BAHCC1: variants seen among roughly 807,000 people sequenced by gnomAD.
The protein encoded by BAHCC1 is BAH and coiled-coil domain-containing protein 1.
Under a neutral mutation model 88.2 loss-of-function variants are expected in BAHCC1, and 43 were observed. The observed-to-expected ratio is 0.49, with a 90% CI of 0.38 to 0.63. The LOEUF (loss-of-function observed/expected upper bound fraction) is 0.63, where lower values mean the gene tolerates loss of function less well. Among genes scored for constraint, BAHCC1 ranks in the 20% least tolerant of loss-of-function variants. The pLI is 0.00. For synonymous variants in BAHCC1, 1,510 were observed against 745.5 expected, an observed-to-expected ratio of 2.03 and a Z score of -16.71; for missense variants, 3,023 against 1,654.8, an observed-to-expected ratio of 1.83 and a Z score of -14.34.
Position 81,447,042 on chromosome 17 carries a change from C to G in BAHCC1, c.3170C>G (p.Pro1057Arg), listed in dbSNP as rs782416260. The G allele has an allele frequency of 2.6e-6, 2 of 779,208 alleles. No individual in the cohort carries two copies. Among genetic ancestry groups the G allele is most frequent in the East Asian group, 2.4e-5 (1 of 41,266 alleles). The allele number at this position is 779,208 out of a possible 1,614,324, so 48.3% of individuals were successfully genotyped here. ...ADIITSEPDL[P>R]PGYLRPMAGL... ...CCTGTCCCCTCCTTTGCAGACCTGC[C>G]TCCCGGATACCTGCGCCCCATGGCT... is the stretch of plus-strand genomic sequence containing the variant. The change falls in exon 11 of 28, where the codon CCT (proline) becomes CGT (arginine). Residue 1057 changes from proline (P) to arginine (R), a missense_variant. Transcript: ENST00000675386.
rs1555657912 is a variant in BAHCC1, at chr17:81,458,242, C to T, written c.5119C>T (p.Leu1707=). ...RSVKAKVGTT[L]ERAPGQRPPG... is the part of the protein sequence containing the mutation. Reference sequence around the variant, plus strand: ...GGTGAAGGCCAAGGTGGGCACCACCCTGGAGCGGGCCCCAGGGCAGAGGCC... The same window carrying T: ...GGTGAAGGCCAAGGTGGGCACCACCTTGGAGCGGGCCCCAGGGCAGAGGCC... The change falls in exon 18 of 28, where the codon CTG becomes TTG. Residue 1707 remains leucine, a synonymous_variant. Coordinates refer to ENST00000675386, the MANE Select transcript of BAHCC1 (RefSeq NM_001377448.1). The T allele has an allele frequency of 1.4e-6, 1 of 739,252 alleles. No homozygotes were observed. Among genetic ancestry groups the T allele is most frequent in the Non-Finnish European group, 2.5e-6 (1 of 398,110 alleles). 45.8% of individuals were successfully genotyped at this position (739,252 alleles called of 1,614,324 possible). A position where few individuals can be genotyped will look rare whatever the true frequency, so the allele number is the denominator to read the frequency against.
intron 11 of BAHCC1, among the ~76,000 whole-genome samples, chr17:81,450,397 T>G (rs2064611202): frequency 6.6e-6 from 1 of 152,162 alleles, no homozygotes; most frequent in African/African-American, 2.4e-5. Context: ...CGCCAGCCTC[T>G]GCTGGCCCAT....
In BAHCC1 at chr17:81,445,525, G is replaced by A. The variant is rs376167216; in HGVS notation, c.3007G>A (p.Ala1003Thr). 709 of 718,258 alleles carry A rather than the reference G, an allele frequency of 9.9e-4. No homozygotes were observed. The highest frequency in any genetic ancestry group is 1.9e-3 in the Middle Eastern group (6 of 3,220). The allele number at this position is 718,258 out of a possible 1,614,324, so 44.5% of individuals were successfully genotyped here. The change falls in exon 10 of 28, where the codon GCC becomes ACC. Residue 1003 changes from alanine (A) to threonine (T), a missense_variant. By Grantham distance (58) the Ala-to-Thr change is moderately conservative. Coordinates refer to ENST00000675386, the MANE Select transcript of BAHCC1 (RefSeq NM_001377448.1). Reference protein sequence around the residue: ...CCHPPDPKPPASSPTPPPRPS... With the variant: ...CCHPPDPKPPTSSPTPPPRPS... ...CCATCCGCCCGACCCAAAGCCCCCC[G>A]CCAGCTCCCCCACCCCACCACCTCG...
In BAHCC1 at chr17:81,442,769, G is replaced by T. The variant is rs782284946; in HGVS notation, c.1420G>T (p.Ala474Ser). The T allele has an allele frequency of 5.1e-6, 4 of 779,384 alleles. No homozygotes were observed. The highest frequency in any genetic ancestry group is 7.2e-6 in the Non-Finnish European group (3 of 417,850). The allele number at this position is 779,384 out of a possible 1,614,324, so 48.3% of individuals were successfully genotyped here. A position where few individuals can be genotyped will look rare whatever the true frequency, so the allele number is the denominator to read the frequency against. ...RLKGLDYLSS[A>S]GPEASFPGLP... The stretch of plus-strand genomic sequence containing the variant: ...AAAGGGCCTCGACTATCTCAGCAGC[G>T]CAGGCCCCGAGGCCTCCTTCCCCGG... Residue 474 changes from alanine to serine, a missense_variant, in exon 5 of 28, where the codon GCA (alanine) becomes TCA (serine). Physicochemically the swap from Ala to Ser is moderately conservative, Grantham distance 99. Transcript: ENST00000675386.
chr17:81,431,049 G>A (rs1271707179), intron 3 of BAHCC1, among the ~76,000 whole-genome samples: 2 of 130,614 alleles, frequency 1.5e-5, no homozygotes, highest in African/African-American at 6.5e-5. Context: ...CAGCGTGGGG[G>A]TCCCGGCGTG....
At chr17:81,452,185 G>A (rs1201887838) in intron 13 of BAHCC1, 78 bp downstream of exon 13, 10 of 547,296 alleles carry the variant, frequency 1.8e-5, no homozygotes, top group East Asian at 1.3e-4. Flanking sequence ...TGCTGGGGCC[G>A]ATGTGGGAAC....
chr17:81,431,445 C>T (rs1288095555), intron 3 of BAHCC1, among the ~76,000 whole-genome samples: 1 of 152,212 alleles, frequency 6.6e-6, no homozygotes, highest in Non-Finnish European at 1.5e-5. Flanking sequence ...CCCAGGTCCA[C>T]ACCTGGCAGA....
At chr17:81,439,378 T>C (rs920532683) in intron 4 of BAHCC1, among the ~76,000 whole-genome samples, 4 of 151,070 alleles carry the variant, frequency 2.6e-5, no homozygotes, top group Admixed American at 6.6e-5. Flanking sequence ...AGGAGGGAGA[T>C]TGGGGGCAGG....
Position 81,462,537 on chromosome 17 carries a change from G to A in BAHCC1, c.7384-203G>A, listed in dbSNP as rs561821299. The A allele has an allele frequency of 1.1e-3, 609 of 574,772 alleles. 10 individuals are homozygous for A. The South Asian group carries it at 0.013, about 12-fold the overall frequency. The allele number at this position is 574,772 out of a possible 1,614,324, so 35.6% of individuals were successfully genotyped here. A position where few individuals can be genotyped will look rare whatever the true frequency, so the allele number is the denominator to read the frequency against. ...CGTCATGATTCCATGTGCGGGCTCC[G>A]TGGAGGCGTGGCCCCTGCTCCAGAT... On this transcript the variant is annotated intron_variant, in intron 26 of 27. Transcript: ENST00000675386.
rs1328680578 is a variant in BAHCC1 at position 81,461,743 on chromosome 17, C to A, written c.7080C>A (p.Thr2360=). The change falls in exon 26 of 28, where the codon ACC becomes ACA. Residue 2360 remains threonine (T), a synonymous_variant. Coordinates refer to ENST00000675386, the MANE Select transcript of BAHCC1 (RefSeq NM_001377448.1). The part of the protein sequence containing the change: ...DDEDPALLLQ[T]CLTHPVPTLL... ...AGGACCCGGCTCTGCTGCTGCAGAC[C>A]TGCCTCACCCACCCCGTGCCCACCC... The A allele has an allele frequency of 5.6e-6, 4 of 718,326 alleles. No individual in the cohort carries two copies. The highest frequency in any genetic ancestry group is 5.2e-5 in the African/African-American group (3 of 57,342). The allele number at this position is 718,326 out of a possible 1,614,324, so 44.5% of individuals were successfully genotyped here.
intron 1 of BAHCC1, 68 bp downstream of exon 1, chr17:81,395,703 T>A (rs956565253): frequency 6.6e-6 from 1 of 152,110 alleles, no homozygotes; most frequent in East Asian, 1.9e-4. Context: ...TATTTTTTAT[T>A]CTGGCTTTGG....
Position 81,461,015 on chromosome 17 carries a change from G to A in BAHCC1, c.6352G>A (p.Val2118Met), listed in dbSNP as rs782032560. 4 of 773,378 alleles carry A rather than the reference G, an allele frequency of 5.2e-6. No individual in the cohort carries two copies. Among genetic ancestry groups the A allele is most frequent in the South Asian group, 2.7e-5 (2 of 74,456 alleles). The allele number at this position is 773,378 out of a possible 1,614,324, so 47.9% of individuals were successfully genotyped here. A position where few individuals can be genotyped will look rare whatever the true frequency, so the allele number is the denominator to read the frequency against. The change falls in exon 26 of 28, where the codon GTG becomes ATG. Residue 2118 changes from valine (V) to methionine (M), a missense_variant. Val to Met is a conservative substitution (Grantham distance 21, BLOSUM62 1). Coordinates refer to ENST00000675386, the MANE Select transcript of BAHCC1 (RefSeq NM_001377448.1). ...GGCAGCGGCCAGCAAGGGGCCGGGGGTGCTGCAGAACCTCTTCCAGCTCAA... is the reference window on the plus strand; with the variant it reads ...GGCAGCGGCCAGCAAGGGGCCGGGGATGCTGCAGAACCTCTTCCAGCTCAA... The part of the protein sequence containing the change: ...AVAAASKGPG[V>M]LQNLFQLNGS...
At chr17:81,449,298 T>C (rs1042186082) in intron 11 of BAHCC1, among the ~76,000 whole-genome samples, 1 of 140,478 alleles carries the variant, frequency 7.1e-6, no homozygotes, top group Non-Finnish European at 1.6e-5. Flanking sequence ...CCCCTGCCCC[T>C]GCCCTCCCCT....
Position 81,459,080 on chromosome 17 carries a change from G to A in BAHCC1, c.5632G>A (p.Asp1878Asn). 1 of 768,798 alleles carries A rather than the reference G, an allele frequency of 1.3e-6. No individual in the cohort carries two copies. Among genetic ancestry groups the A allele is most frequent in the Non-Finnish European group, 2.4e-6 (1 of 413,518 alleles). 47.6% of individuals were successfully genotyped at this position (768,798 alleles called of 1,614,324 possible). ...LARSCAIHKE[D>N]LRDGLPVLIP... ...GCGCTCGTGTGCCATCCACAAGGAG[G>A]ACCTGCGGGACGGGCTGCCCGTGCT... is the stretch of plus-strand genomic sequence containing the variant. The change falls in exon 21 of 28, where the codon GAC (aspartate) becomes AAC (asparagine). Residue 1878 changes from aspartate to asparagine, a missense_variant. Asp to Asn is a conservative substitution (Grantham distance 23). Coordinates refer to ENST00000675386, the MANE Select transcript of BAHCC1 (RefSeq NM_001377448.1).
chr17:81,435,376 G>A lies in BAHCC1; in HGVS notation c.359-2994G>A, dbSNP rs1194938207. 6.5e-6 allele frequency: 3 copies of A among 462,102 alleles called. No individual in the cohort carries two copies. The highest frequency in any genetic ancestry group is 2.4e-5 in the Admixed American group (1 of 42,390). The allele number at this position is 462,102 out of a possible 1,614,324, so 28.6% of individuals were successfully genotyped here. ...TCTCCTGCCCACCGCAGTAGCAGGG[G>A]CAGGATGTGGGGACCTCGGTGCGAC... On this transcript the variant is annotated intron_variant, in intron 3 of 27. Transcript: ENST00000675386. The surrounding 1 kb of genome is among the most constrained non-coding windows in gnomAD (Gnocchi z 4.4).
At chr17:81,433,133 G>A (rs74002269) in intron 3 of BAHCC1, among the ~76,000 whole-genome samples, 4 of 151,490 alleles carry the variant, frequency 2.6e-5, no homozygotes, top group African/African-American at 4.9e-5. Context: ...GCCTGTGGAT[G>A]GGGAAGAGGC....
rs782271315 is a variant in BAHCC1 at position 81,462,808 on chromosome 17, G to C, written c.7452G>C (p.Leu2484=). ...YKAIVRGEET[L]RVGDCAVFLS... ...CCATCGTGCGGGGCGAGGAGACCCTGCGTGTCGGGGACTGTGCCGTCTTCC... is the reference window on the plus strand; with the variant it reads ...CCATCGTGCGGGGCGAGGAGACCCTCCGTGTCGGGGACTGTGCCGTCTTCC... The change falls in exon 27 of 28, where the codon CTG becomes CTC. Residue 2484 remains leucine, a synonymous_variant. Transcript: ENST00000675386. The C allele has an allele frequency of 2.6e-6, 2 of 780,360 alleles. No individual in the cohort carries two copies. The highest frequency in any genetic ancestry group is 2.7e-5 in the South Asian group (2 of 74,622). The allele number at this position is 780,360 out of a possible 1,614,324, so 48.3% of individuals were successfully genotyped here. A position where few individuals can be genotyped will look rare whatever the true frequency, so the allele number is the denominator to read the frequency against.
chr17:81,428,579 C>T (rs1194851038), intron 3 of BAHCC1, among the ~76,000 whole-genome samples: 2 of 152,210 alleles, frequency 1.3e-5, no homozygotes, highest in African/African-American at 4.8e-5. Flanking sequence ...GCTCCTACCC[C>T]ACTCCCTCCA....
At chr17:81,441,523 C>A (rs1033507973) in intron 4 of BAHCC1, among the ~76,000 whole-genome samples, 5 of 151,992 alleles carry the variant, frequency 3.3e-5, no homozygotes, top group Non-Finnish European at 7.4e-5. Flanking sequence ...TTAGCTGGGC[C>A]TGGTGGCGGG....
Sources: allele counts gnomAD v4.1 joint callset (sites outside exome capture counted in the v4.1 genomes callset), GRCh38; gene constraint gnomAD v4.1.1; non-coding constraint Gnocchi (gnomAD v3.1); transcripts MANE v1.5; gene names NCBI Gene and HGNC (gene_info 2026-07-23, HGNC 2026-07-21).